The following GIT2 variants were observed in gnomAD, a reference collection of about 807,000 sequenced individuals.
GIT2 encodes GIT ArfGAP 2.
In GIT2, 32 loss-of-function variants were observed where a neutral mutation model predicts 100.3. That is an observed-to-expected ratio of 0.32 (90% CI 0.24 to 0.43). The LOEUF is 0.43. Among genes scored for constraint, GIT2 ranks in the 20% least tolerant of loss-of-function variants. The pLI is 1.00. For missense variants in GIT2, 737 were observed against 975.1 expected (o/e 0.76, Z 3.25); for synonymous variants, 353 against 364.1 (o/e 0.97, Z 0.35).
chr12:109,932,501 C>T lies in GIT2; in HGVS notation c.*477G>A. 6.2e-6 allele frequency: 1 copy of T among 161,684 alleles called. No homozygotes were observed. The highest frequency in any genetic ancestry group is 1.4e-5 in the Non-Finnish European group (1 of 73,726). The allele number at this position is 161,684 out of a possible 1,614,324, so 10.0% of individuals were successfully genotyped here. A position where few individuals can be genotyped will look rare whatever the true frequency, so the allele number is the denominator to read the frequency against. The stretch of plus-strand genomic sequence containing the variant: ...TTCTCTACATACATGCTTGGAGATA[C>T]CCCAAACTTAGAGATTATGAAGTAG... On this transcript the variant is annotated 3_prime_UTR_variant, in exon 20 of 20. Coordinates refer to ENST00000355312, the MANE Select transcript of GIT2 (RefSeq NM_057169.5).
chr12:109,992,733 G>A (rs772365193), intron 1 of GIT2, among the ~76,000 whole-genome samples: 2 of 151,440 alleles, frequency 1.3e-5, no homozygotes, highest in African/African-American at 4.9e-5. Flanking sequence ...GTGCAGTGGC[G>A]CAATCTCGGC....
At position 109,996,286 on chromosome 12, in the gene GIT2, G is replaced by A. The variant is rs531126214; in HGVS notation, c.-62C>T. On this transcript the variant is annotated 5_prime_UTR_variant, in exon 1 of 20. Coordinates refer to ENST00000355312, the MANE Select transcript of GIT2 (RefSeq NM_057169.5). ...GGGGACAGCAAAGGCGGCGGTGGCGGCGGCGCTTCCGCTCTAACGGGTCCC... is the reference window on the plus strand; with the variant it reads ...GGGGACAGCAAAGGCGGCGGTGGCGACGGCGCTTCCGCTCTAACGGGTCCC... The A allele has an allele frequency of 1.6e-6, 2 of 1,226,610 alleles. No homozygotes were observed. Among genetic ancestry groups the A allele is most frequent in the Non-Finnish European group, 2.3e-6 (2 of 872,634 alleles). 76.0% of individuals were successfully genotyped at this position (1,226,610 alleles called of 1,614,324 possible).
chr12:109,985,576 G>A (rs144751533), intron 4 of GIT2, among the ~76,000 whole-genome samples: 3 of 152,176 alleles, frequency 2.0e-5, no homozygotes, highest in South Asian at 2.1e-4. Flanking sequence ...CTGGCCAGGC[G>A]CGGTGGCTCA....
rs1555222499 is a variant in GIT2, at chr12:109,939,682, A to AAAATAAAAT, written c.1732-436_1732-435insATTTTATTT. 1.6e-4 allele frequency: 22 copies of AAAATAAAAT among 140,312 alleles called. No individual in the cohort carries two copies. The East Asian group carries it at 2.0e-3, about 13-fold the overall frequency. 8.7% of individuals were successfully genotyped at this position (140,312 alleles called of 1,614,324 possible). On this transcript the variant is annotated intron_variant, in intron 16 of 19. Transcript: ENST00000355312. ...CCTGGGCAACATTTAAAAAATAAAT[A>AAAATAAAAT]AAATAAATAAATAAATAAATAAATA...
At chr12:109,989,899 A>G in intron 2 of GIT2, 97 bp from the exon 3 acceptor site, 1 of 723,758 alleles carries the variant, frequency 1.4e-6, no homozygotes. Flanking sequence ...CCTGTTATAA[A>G]CACTCATTTG....
intron 7 of GIT2, among the ~76,000 whole-genome samples, chr12:109,972,471 ATTT>A (rs879434945): frequency 7.0e-6 from 1 of 143,778 alleles, no homozygotes. Context: ...ACATTAACTG[ATTT>A]TTTTTTTTTT....
Position 109,934,007 on chromosome 12 carries a change from T to A in GIT2, c.2067+15A>T, listed in dbSNP as rs1225088877. 1 of 1,394,052 alleles carries A rather than the reference T, an allele frequency of 7.2e-7. No homozygotes were observed. The allele number at this position is 1,394,052 out of a possible 1,614,324, so 86.4% of individuals were successfully genotyped here. ...TTTAAAAGGATTTAAACCAAGTGAG[T>A]AGGAAGTGACTTACTTTGGGGAATA... On this transcript the variant is annotated intron_variant, in intron 19 of 19. Transcript: ENST00000355312. This position sits in a 1 kb window ranked among gnomAD's most constrained non-coding sequence, Gnocchi z 4.5.
intron 3 of GIT2, 131 bp downstream of exon 3, chr12:109,989,559 A>C (rs1888012497): frequency 3.3e-6 from 2 of 614,746 alleles, no homozygotes; most frequent in Non-Finnish European, 5.8e-6. Flanking sequence ...AATAGCAAAG[A>C]ACCTGATGCA....
chr12:109,985,432 A>G (rs1205121683), intron 4 of GIT2, among the ~76,000 whole-genome samples: 1 of 152,218 alleles, frequency 6.6e-6, no homozygotes, highest in Non-Finnish European at 1.5e-5. Flanking sequence ...GGGGGGAAAA[A>G]AGGCCAGATG....
In GIT2 at chr12:109,947,621, G is replaced by C. The variant is rs754616905; in HGVS notation, c.1393-117C>G. 4 of 939,220 alleles carry C rather than the reference G, an allele frequency of 4.3e-6. No homozygotes were observed. Among genetic ancestry groups the C allele is most frequent in the Non-Finnish European group, 6.5e-6 (4 of 617,408 alleles). The allele number at this position is 939,220 out of a possible 1,614,324, so 58.2% of individuals were successfully genotyped here. On this transcript the variant is annotated intron_variant, in intron 14 of 19. Coordinates refer to ENST00000355312, the MANE Select transcript of GIT2 (RefSeq NM_057169.5). This position sits in a 1 kb window ranked among gnomAD's most constrained non-coding sequence, Gnocchi z 4.3. The stretch of plus-strand genomic sequence containing the variant: ...ACAATAAGGACAGTAACAGCTAGCC[G>C]GGCTGAAAGTAAAAAGCCAATACAA...
chr12:109,980,194 G>A (rs184949300), intron 7 of GIT2, among the ~76,000 whole-genome samples: 15 of 152,064 alleles, frequency 9.9e-5, no homozygotes, highest in African/African-American at 3.4e-4. Flanking sequence ...TCCCAAGTAC[G>A]TGGGACTACA....
In GIT2 at chr12:109,947,699, C is replaced by G; in HGVS notation, c.1393-195G>C. The stretch of plus-strand genomic sequence containing the variant: ...GAAACACAATCAACTCCCTTCATCA[C>G]GTAAGCAAATTAAATAGCTTCATTT... On this transcript the variant is annotated intron_variant, in intron 14 of 19. Transcript: ENST00000355312. The surrounding 1 kb of genome is among the most constrained non-coding windows in gnomAD (Gnocchi z 4.3). The G allele has an allele frequency of 1.8e-6, 1 of 559,432 alleles. No homozygotes were observed. The highest frequency in any genetic ancestry group is 3.2e-6 in the Non-Finnish European group (1 of 316,262). The allele number at this position is 559,432 out of a possible 1,614,324, so 34.7% of individuals were successfully genotyped here. A position where few individuals can be genotyped will look rare whatever the true frequency, so the allele number is the denominator to read the frequency against.
chr12:109,967,804 G>C (rs1215806720), intron 7 of GIT2, among the ~76,000 whole-genome samples: 1 of 152,190 alleles, frequency 6.6e-6, no homozygotes, highest in Non-Finnish European at 1.5e-5. Flanking sequence ...AGTGTGCTGA[G>C]GGAGCTGAAT....
At chr12:109,976,616 A>T (rs2136672763) in intron 7 of GIT2, among the ~76,000 whole-genome samples, 2 of 121,210 alleles carry the variant, frequency 1.7e-5, no homozygotes, top group Admixed American at 8.7e-5. Context: ...TTTGAGATGG[A>T]GTCTCCCTGT....
At position 109,934,028 on chromosome 12, in the gene GIT2, G is replaced by A. The variant is rs1284365922; in HGVS notation, c.2061C>T (p.Phe687=). The A allele has an allele frequency of 3.2e-6, 5 of 1,541,784 alleles. No homozygotes were observed. Among genetic ancestry groups the A allele is most frequent in the Admixed American group, 1.7e-5 (1 of 59,938 alleles). ...TGAGTAGGAAGTGACTTACTTTGGG[G>A]AATAATGCTGCCATTTCTGTAACAG... ...HVAVTEMAAL[F]PKKPKSDMVR... The change falls in exon 19 of 20, where the codon TTC becomes TTT. Residue 687 remains phenylalanine (F), a synonymous_variant. Coordinates refer to ENST00000355312, the MANE Select transcript of GIT2 (RefSeq NM_057169.5). The surrounding 1 kb of genome is among the most constrained non-coding windows in gnomAD (Gnocchi z 4.5).
Position 109,932,355 on chromosome 12 carries a change from G to C in GIT2, c.*623C>G, listed in dbSNP as rs1398249987. 1 of 152,482 alleles carries C rather than the reference G, an allele frequency of 6.6e-6. No homozygotes were observed. Among genetic ancestry groups the C allele is most frequent in the African/African-American group, 2.4e-5 (1 of 41,444 alleles). The allele number at this position is 152,482 out of a possible 1,614,324, so 9.4% of individuals were successfully genotyped here. A position where few individuals can be genotyped will look rare whatever the true frequency, so the allele number is the denominator to read the frequency against. ...AGAAAACATCAAGAGATAGGAGCTT[G>C]AGATAACAACATTAAATAACAGAAC... On this transcript the variant is annotated 3_prime_UTR_variant, in exon 20 of 20. Coordinates refer to ENST00000355312, the MANE Select transcript of GIT2 (RefSeq NM_057169.5).
intron 16 of GIT2, chr12:109,943,065 TA>T (rs1274064983): frequency 6.6e-6 from 1 of 152,224 alleles, no homozygotes. Flanking sequence ...AGACACGCCA[TA>T]AAAATCTAAA....
chr12:109,970,492 T>TA (rs959038281), intron 7 of GIT2, among the ~76,000 whole-genome samples: 2 of 151,988 alleles, frequency 1.3e-5, no homozygotes, highest in African/African-American at 2.4e-5. Context: ...GACTCCGTCT[T>TA]AAAAAAACAG....
chr12:109,936,148 T>G (rs1221078516), intron 18 of GIT2, among the ~76,000 whole-genome samples: 1 of 152,076 alleles, frequency 6.6e-6, no homozygotes, highest in Admixed American at 6.5e-5. Flanking sequence ...CATCTTGAAT[T>G]TTAATATAGG....
Sources: allele counts gnomAD v4.1 joint callset (sites outside exome capture counted in the v4.1 genomes callset), GRCh38; gene constraint gnomAD v4.1.1; non-coding constraint Gnocchi (gnomAD v3.1); transcripts MANE v1.5; gene names NCBI Gene and HGNC (gene_info 2026-07-23, HGNC 2026-07-21).